POTEB3: variants seen among roughly 807,000 people sequenced by gnomAD.
POTEB3 encodes the protein POTE ankyrin domain family member B3, also known as ANKRD26-like family B member 1.
POTEB3 carries 5 observed loss-of-function variants against 39.8 expected under a neutral mutation model. The observed-to-expected ratio is 0.13, with a 90% CI of 0.07 to 0.26. The LOEUF is 0.26. Ranked by LOEUF, POTEB3 falls within the 10% of genes least tolerant of loss-of-function variation. POTEB3 has a pLI of 1.00. For synonymous variants in POTEB3, 5 were observed against 161.5 expected (o/e 0.03, Z 7.35); for missense variants, 24 against 475.6 (o/e 0.05, Z 8.83).
At position 21,437,829 on chromosome 15, in the gene POTEB3, T is replaced by G. The variant is rs1422931182; in HGVS notation, c.521+1662A>C. On this transcript the variant is annotated intron_variant, in intron 1 of 10. Coordinates refer to ENST00000611217, the MANE Select transcript of POTEB3 (RefSeq NM_207355.5). ...GGTGCAATCTCAGCTCACTGCAACC[T>G]CCATCTCCCTGGTTCAAGCAATTCT... Among the ~76,000 whole-genome samples, 33 of 64,872 alleles carry G rather than the reference T, an allele frequency of 5.1e-4. 14 individuals are homozygous for G. Among genetic ancestry groups the G allele is most frequent in the African/African-American group, 2.3e-3 (33 of 14,330 alleles). The allele number at this position is 64,872 out of a possible 152,430, so 42.6% of individuals were successfully genotyped here.
intron 3 of POTEB3, among the ~76,000 whole-genome samples, chr15:21,434,151 G>A (rs1219296332): frequency 1.4e-5 from 2 of 140,758 alleles, no homozygotes; most frequent in Non-Finnish European, 3.1e-5. Context: ...ATTTCTGATT[G>A]CTGCATTTTT....
chr15:21,434,473 C>A (rs1361995081), intron 3 of POTEB3, among the ~76,000 whole-genome samples, 188 bp downstream of exon 3: 1 of 79,390 alleles, frequency 1.3e-5, no homozygotes, highest in Non-Finnish European at 2.4e-5. Context: ...CTGAAAAAAA[C>A]TGTACCCTCT....
chr15:21,417,585 T>A (rs1303581951), intron 9 of POTEB3, among the ~76,000 whole-genome samples: 1 of 76,086 alleles, frequency 1.3e-5, no homozygotes, highest in Non-Finnish European at 2.3e-5. Flanking sequence ...AAGCCAATTA[T>A]CATTTTGTTC....
At chr15:21,430,852 T>A (rs1352912463) in intron 4 of POTEB3, among the ~76,000 whole-genome samples, 247 of 151,532 alleles carry the variant, frequency 1.6e-3, no homozygotes, top group Middle Eastern at 3.4e-3. Flanking sequence ...TCACAGGAGT[T>A]TCAGTTAATG....
intron 3 of POTEB3, among the ~76,000 whole-genome samples, chr15:21,433,317 A>G (rs2141371949): frequency 6.6e-6 from 1 of 150,712 alleles, no homozygotes; most frequent in African/African-American, 2.4e-5. Flanking sequence ...AGAACTCCTA[A>G]GCTCAGGCAA....
At chr15:21,423,229 A>G (rs1444470902) in intron 6 of POTEB3, among the ~76,000 whole-genome samples, 2 of 115,596 alleles carry the variant, frequency 1.7e-5, no homozygotes, top group Admixed American at 1.7e-4. Flanking sequence ...GTCTCCTGAG[A>G]AGCTGTGATT....
chr15:21,433,420 G>C (rs1330677640), intron 3 of POTEB3, among the ~76,000 whole-genome samples: 1 of 149,624 alleles, frequency 6.7e-6, no homozygotes, highest in Non-Finnish European at 1.5e-5. Context: ...ACATATCCAG[G>C]CTTTATTAGA....
At chr15:21,414,708 A>G (rs1898383244) in intron 9 of POTEB3, among the ~76,000 whole-genome samples, 1 of 93,296 alleles carries the variant, frequency 1.1e-5, no homozygotes, top group Non-Finnish European at 2.0e-5. Flanking sequence ...CCAACTCTGT[A>G]TCTTTATTTC....
intron 10 of POTEB3, among the ~76,000 whole-genome samples, chr15:21,410,191 T>C (rs1898294957): frequency 1.2e-5 from 1 of 83,404 alleles, no homozygotes; most frequent in South Asian, 2.8e-4. Context: ...TTATTTGCCA[T>C]TGCAATAACT....
chr15:21,419,652 A>C, intron 8 of POTEB3, 22 bp from the exon 9 acceptor site: 2 of 548,546 alleles, frequency 3.6e-6, no homozygotes, highest in East Asian at 3.8e-5. Flanking sequence ...GTTTGATATT[A>C]AGGATGGTTA....
intron 6 of POTEB3, among the ~76,000 whole-genome samples, chr15:21,422,794 A>G (rs1390189727): frequency 6.6e-6 from 1 of 151,578 alleles, no homozygotes; most frequent in African/African-American, 2.4e-5. Flanking sequence ...GTCGCAAGCT[A>G]TGCAGTGGTT....
chr15:21,437,780 C>G, intron 1 of POTEB3, among the ~76,000 whole-genome samples: 2 of 57,678 alleles, frequency 3.5e-5, no homozygotes, highest in East Asian at 6.8e-4. Flanking sequence ...GAGTCTCACT[C>G]CATCACCCAG....
intron 6 of POTEB3, chr15:21,426,032 G>A: frequency 2.9e-6 from 1 of 339,694 alleles, no homozygotes; most frequent in South Asian, 2.2e-5. Context: ...ACTTGCCTTA[G>A]CTAAGTATTC....
intron 1 of POTEB3, among the ~76,000 whole-genome samples, chr15:21,438,161 CA>C (rs1261874852): frequency 1.0e-4 from 2 of 19,534 alleles, no homozygotes; most frequent in African/African-American, 9.6e-4. Context: ...GGTAGACATG[CA>C]AAAAAGTACC....
intron 3 of POTEB3, among the ~76,000 whole-genome samples, chr15:21,434,048 C>T (rs1438822378): frequency 7.4e-6 from 1 of 134,436 alleles, no homozygotes; most frequent in Admixed American, 7.5e-5. Context: ...CACACACACA[C>T]ACACACACAC....
At chr15:21,419,737 A>T in intron 8 of POTEB3, 107 bp from the exon 9 acceptor site, 1 of 366,820 alleles carries the variant, frequency 2.7e-6, no homozygotes, top group South Asian at 3.4e-5. Context: ...TTTAGTCATT[A>T]AAAATATTTC....
rs1899047397 is a variant in POTEB3, at chr15:21,433,268, G to A, written c.810+1393C>T. On this transcript the variant is annotated intron_variant, in intron 3 of 10. Coordinates refer to ENST00000611217, the MANE Select transcript of POTEB3 (RefSeq NM_207355.5). ...TTTTGAGAAATTTGTTGTTGTTGTT[G>A]TTAGAGACAGGGTCTCATTATGTTG... Among the ~76,000 whole-genome samples the A allele has an allele frequency of 1.3e-5, 2 of 151,026 alleles. 1 individual carries two copies. The highest frequency in any genetic ancestry group is 4.9e-5 in the African/African-American group (2 of 40,984).
chr15:21,431,283 AG>A (rs1166823200), intron 4 of POTEB3, among the ~76,000 whole-genome samples: 1 of 135,154 alleles, frequency 7.4e-6, no homozygotes, highest in East Asian at 2.1e-4. Flanking sequence ...CTTCAAAGAA[AG>A]CAACTTAAAG....
chr15:21,415,534 C>G, intron 9 of POTEB3, among the ~76,000 whole-genome samples: 1 of 68,802 alleles, frequency 1.5e-5, no homozygotes, highest in Non-Finnish European at 2.5e-5. Flanking sequence ...AGGAGAAAAA[C>G]TAAAGCAGGA....
Sources: allele counts gnomAD v4.1 joint callset (sites outside exome capture counted in the v4.1 genomes callset), GRCh38; gene constraint gnomAD v4.1.1; transcripts MANE v1.5; gene names NCBI Gene and HGNC (gene_info 2026-07-23, HGNC 2026-07-21).